Variants in ABCA2 observed in about 807,000 individuals in gnomAD.
ABCA2 encodes ATP-binding cassette sub-family A member 2.
A neutral mutation model predicts 262.8 loss-of-function variants in ABCA2; 84 were observed. The ratio of observed to expected loss-of-function variants is 0.32; its 90% confidence interval spans 0.27 to 0.38. The LOEUF is 0.38. Among genes scored for constraint, ABCA2 ranks in the 10% least tolerant of loss-of-function variants. The pLI is 1.00. For synonymous variants in ABCA2, 1,696 were observed against 1,502.9 expected, an observed-to-expected ratio of 1.13 and a Z score of -2.97; for missense variants, 2,662 against 3,405.9, an observed-to-expected ratio of 0.78 and a Z score of 5.44.
rs370141589 is a variant in ABCA2, at chr9:137,015,733, C to T, written c.3456G>A (p.Ala1152=). 16 of 1,611,900 alleles carry T rather than the reference C, an allele frequency of 9.9e-6. No homozygotes were observed. The Admixed American group carries it at 1.0e-4, about 10-fold the overall frequency. The change falls in exon 23 of 49, where the codon GCG becomes GCA. Residue 1152 remains alanine (A), a synonymous_variant. Coordinates refer to ENST00000341511, the MANE Select transcript of ABCA2 (RefSeq NM_001606.5). ...CGCGGCGCGCGTAGGGGTCCACGCC[C>T]GCCGTGGGCTCGTCCAGGATGATGG... The part of the protein sequence containing the change: ...SRAIILDEPT[A]GVDPYARRAI...
chr9:137,008,971 A>T lies in ABCA2; in HGVS notation c.6910T>A (p.Phe2304Ile). The T allele has an allele frequency of 6.3e-7, 1 of 1,578,244 alleles. No individual in the cohort carries two copies. Among genetic ancestry groups the T allele is most frequent in the Non-Finnish European group, 8.6e-7 (1 of 1,165,280 alleles). Reference sequence around the variant, plus strand: ...CGCACCTTGAGCATGGCTTCCGGGAAGTTGCGGTTGAAGAACCGCACCACG... The same window carrying T: ...CGCACCTTGAGCATGGCTTCCGGGATGTTGCGGTTGAAGAACCGCACCACG... ...KDVVRFFNRN[F>I]PEAMLKERHH... The change falls in exon 46 of 49, where the codon TTC becomes ATC. Residue 2304 changes from phenylalanine (F) to isoleucine (I), a missense_variant. Phe to Ile is a conservative substitution (Grantham distance 21). Around this residue, in one of 12 missense-constraint regions of ABCA2, gnomAD observed 212 missense variants for 214.4 expected, o/e 0.99. Transcript: ENST00000341511.
upstream of ABCA2, chr9:137,028,329 C>G (rs1459487816): frequency 3.2e-6 from 3 of 936,840 alleles, no homozygotes; most frequent in Non-Finnish European, 3.8e-6. The surrounding 1 kb of genome is among the most constrained non-coding windows in gnomAD (Gnocchi z 6.9). Flanking sequence ...GCCCCGCCCG[C>G]CCCCGCTTAA....
At chr9:137,024,932 G>A (rs1831602231) in intron 1 of ABCA2, among the ~76,000 whole-genome samples, 1 of 151,976 alleles carries the variant, frequency 6.6e-6, no homozygotes, top group South Asian at 2.1e-4. Context: ...TCGAGTAGCT[G>A]GGACTACAGG....
chr9:137,022,395 T>A lies in ABCA2; in HGVS notation c.523A>T (p.Ser175Cys). ...FLTQNLSLPN[S>C]TAQALLAARV... ...GCGGCCAAGAGTGCTTGGGCCGTGC[T>A]ATTGGGCAGCGACAAGTTTTGCGTC... The change falls in exon 6 of 49, where the codon AGC becomes TGC. Residue 175 changes from serine (S) to cysteine (C), a missense_variant. By Grantham distance (112) the Ser-to-Cys change is moderately radical (BLOSUM62 -1). Around this residue, in one of 12 missense-constraint regions of ABCA2, gnomAD observed 403 missense variants for 375.9 expected, o/e 1.07. Coordinates refer to ENST00000341511, the MANE Select transcript of ABCA2 (RefSeq NM_001606.5). 1 of 1,611,552 alleles carries A rather than the reference T, an allele frequency of 6.2e-7. No individual in the cohort carries two copies. Among genetic ancestry groups the A allele is most frequent in the Non-Finnish European group, 8.5e-7 (1 of 1,179,574 alleles).
chr9:137,015,700 C>T lies in ABCA2; in HGVS notation c.3489G>A (p.Trp1163Ter). Residue 1163 changes from tryptophan (W) to a stop codon, truncating the protein, a stop_gained, in exon 23 of 49, where the codon TGG (tryptophan) becomes TGA (stop). Coordinates refer to ENST00000341511, the MANE Select transcript of ABCA2 (RefSeq NM_001606.5). LOFTEE classifies it high-confidence loss of function. ...GVDPYARRAI[W>*]DLILKYKPGR... is the part of the protein sequence containing the mutation. ...CTGGCTTGTACTTCAGGATGAGGTC[C>T]CAGATGGCGCGGCGCGCGTAGGGGT... 1 of 1,609,926 alleles carries T rather than the reference C, an allele frequency of 6.2e-7. No homozygotes were observed. The highest frequency in any genetic ancestry group is 8.5e-7 in the Non-Finnish European group (1 of 1,178,780).
At chr9:137,015,242 G>A (rs1264957860) in intron 24 of ABCA2, 145 bp from the exon 25 acceptor site, 2 of 1,215,476 alleles carry the variant, frequency 1.6e-6, no homozygotes, top group African/African-American at 3.0e-5. Flanking sequence ...GGGTGACGCT[G>A]AGGACCCAGC....
In ABCA2 at chr9:137,010,824, A is replaced by T. The variant is rs539292253; in HGVS notation, c.6057-87T>A. 2.9e-5 allele frequency: 43 copies of T among 1,477,024 alleles called. 2 individuals are homozygous for T. In the South Asian group the frequency reaches 5.2e-4, roughly 18 times the overall value. The allele number at this position is 1,477,024 out of a possible 1,614,324, so 91.5% of individuals were successfully genotyped here. A position where few individuals can be genotyped will look rare whatever the true frequency, so the allele number is the denominator to read the frequency against. On this transcript the variant is annotated intron_variant, in intron 39 of 48. Transcript: ENST00000341511. ...CAGCCTCGCATCCTCTGGCTGTGGC[A>T]TGTAAGAAGGGTGGGCAGGCCCCTC...
chr9:137,010,469 G>A (rs1438853650), intron 40 of ABCA2, 98 bp from the exon 41 acceptor site: 41 of 1,409,628 alleles, frequency 2.9e-5, no homozygotes, highest in Non-Finnish European at 3.8e-5. Flanking sequence ...AGAGCCCAGG[G>A]GGCCACGTGC....
Position 137,014,969 on chromosome 9 carries a change from A to G in ABCA2, c.3826T>C (p.Ser1276Pro). Residue 1276 changes from serine to proline, a missense_variant, in exon 25 of 49, where the codon TCC becomes CCC. By Grantham distance (74) the Ser-to-Pro change is moderately conservative. Coordinates refer to ENST00000341511, the MANE Select transcript of ABCA2 (RefSeq NM_001606.5). ...LLVSDTSTELSYILPSEAAKK... is the reference protein window; with the variant it reads ...LLVSDTSTELPYILPSEAAKK... The stretch of plus-strand genomic sequence containing the variant: ...GCGGCCTCGCTGGGCAGGATGTAGG[A>G]GAGCTCCGTGCTTGTGTCTGAGACC... 6.3e-7 allele frequency: 1 copy of G among 1,578,466 alleles called. No individual in the cohort carries two copies. The highest frequency in any genetic ancestry group is 8.6e-7 in the Non-Finnish European group (1 of 1,161,438).
In ABCA2 at chr9:137,023,259, CAGAGGTCAA is replaced by C. The variant is rs1831541839; in HGVS notation, c.164-216_164-208del. 7.0e-5 allele frequency: 44 copies of C among 631,016 alleles called. 1 individual carries two copies. The South Asian group carries it at 7.7e-4, about 11-fold the overall frequency. 39.1% of individuals were successfully genotyped at this position (631,016 alleles called of 1,614,324 possible). A position where few individuals can be genotyped will look rare whatever the true frequency, so the allele number is the denominator to read the frequency against. On this transcript the variant is annotated intron_variant, in intron 3 of 48. Coordinates refer to ENST00000341511, the MANE Select transcript of ABCA2 (RefSeq NM_001606.5). Reference sequence around the variant, plus strand: ...TCTGGGGCGAATGACTCCAGCAGGTCAGAGGTCAAAGAGCCACTCACCACCCCTTCTGCC... The same window carrying C: ...TCTGGGGCGAATGACTCCAGCAGGTCAGAGCCACTCACCACCCCTTCTGCC...
Position 137,008,740 on chromosome 9 carries a change from TG to T in ABCA2, c.7058del (p.Thr2353AsnfsTer7). 6.3e-7 allele frequency: 1 copy of T among 1,581,962 alleles called. No homozygotes were observed. Among genetic ancestry groups the T allele is most frequent in the Non-Finnish European group, 8.6e-7 (1 of 1,165,210 alleles). ...CCCTTGGGGCGCTCACATTGTCCAG[TG>T]TGGTCTGGCTGACCGAGTAGTCCTC... ...GIEDYSVSQT[T>X]LDNVFVNFAK... On this transcript the variant is annotated frameshift_variant, in exon 47 of 49. Transcript: ENST00000341511. LOFTEE classifies it high-confidence loss of function.
Position 137,023,178 on chromosome 9 carries a change from C to T in ABCA2, c.164-126G>A, listed in dbSNP as rs1390605069. 1.6e-5 allele frequency: 13 copies of T among 790,020 alleles called. No individual in the cohort carries two copies. The Admixed American group carries it at 1.8e-4, about 11-fold the overall frequency. 48.9% of individuals were successfully genotyped at this position (790,020 alleles called of 1,614,324 possible). ...AGAGAAAGTCAGGAAGGAGAAGCAGCGTTAGGGAGAAGGCGGCACAGAGCC... is the reference window on the plus strand; with the variant it reads ...AGAGAAAGTCAGGAAGGAGAAGCAGTGTTAGGGAGAAGGCGGCACAGAGCC... On this transcript the variant is annotated intron_variant, in intron 3 of 48. Transcript: ENST00000341511.
At chr9:137,010,480 C>T (rs1830996075) in intron 40 of ABCA2, 109 bp from the exon 41 acceptor site, 3 of 1,443,188 alleles carry the variant, frequency 2.1e-6, no homozygotes, top group African/African-American at 2.9e-5. Flanking sequence ...GGCCACGTGC[C>T]CCACAGCCCC....
intron 1 of ABCA2, among the ~76,000 whole-genome samples, chr9:137,025,740 AC>A (rs1466470238): frequency 6.6e-6 from 1 of 152,086 alleles, no homozygotes; most frequent in African/African-American, 2.4e-5. Flanking sequence ...CCCCGCCCAC[AC>A]CCGGCCTGCT....
At chr9:137,013,709 G>A (rs912454933) in intron 28 of ABCA2, 123 bp downstream of exon 28, 19 of 1,352,190 alleles carry the variant, frequency 1.4e-5, no homozygotes, top group Admixed American at 4.1e-5. Context: ...ACCCCGGTGC[G>A]TGCCCAGCCT....
Position 137,012,085 on chromosome 9 carries a change from C to T in ABCA2, c.5360+17G>A, listed in dbSNP as rs1156992703. The T allele has an allele frequency of 6.2e-7, 1 of 1,612,652 alleles. No homozygotes were observed. Among genetic ancestry groups the T allele is most frequent in the Admixed American group, 1.7e-5 (1 of 60,020 alleles). The stretch of plus-strand genomic sequence containing the variant: ...GTGCCCACCTGCCCCACCTCATCCC[C>T]CACTGGCCACACTTACAGGTAATCC... On this transcript the variant is annotated intron_variant, in intron 34 of 48. Transcript: ENST00000341511.
chr9:137,024,576 G>C (rs559764957), intron 1 of ABCA2, among the ~76,000 whole-genome samples: 5 of 152,278 alleles, frequency 3.3e-5, no homozygotes, highest in Non-Finnish European at 5.9e-5. Context: ...CCACCTCCAG[G>C]GCTACCTGGG....
chr9:137,022,077 A>C lies in ABCA2; in HGVS notation c.568-76T>G, dbSNP rs113863526. On this transcript the variant is annotated intron_variant, in intron 6 of 48. Coordinates refer to ENST00000341511, the MANE Select transcript of ABCA2 (RefSeq NM_001606.5). The stretch of plus-strand genomic sequence containing the variant: ...GATGGTGGGGGCGTGGCTCCGATGG[A>C]CGTGTGGGGGCGTGGCTTAGATGGT... The C allele has an allele frequency of 8.9e-3, 2,883 of 324,526 alleles. 50 individuals carry two copies. Among genetic ancestry groups the C allele is most frequent in the African/African-American group, 0.073 (1,382 of 18,890 alleles). 20.1% of individuals were successfully genotyped at this position (324,526 alleles called of 1,614,324 possible).
chr9:137,019,359 T>A lies in ABCA2; in HGVS notation c.1426-53A>T. The A allele has an allele frequency of 2.5e-6, 4 of 1,594,074 alleles. No homozygotes were observed. In the South Asian group the frequency reaches 4.5e-5, roughly 18 times the overall value. Reference sequence around the variant, plus strand: ...GTTTCTGGACGGACCCCCACCGACTTGGGGGCTCTCACCCCACTCACCTCC... The same window carrying A: ...GTTTCTGGACGGACCCCCACCGACTAGGGGGCTCTCACCCCACTCACCTCC... On this transcript the variant is annotated intron_variant, in intron 10 of 48. Coordinates refer to ENST00000341511, the MANE Select transcript of ABCA2 (RefSeq NM_001606.5). This position sits in a 1 kb window ranked among gnomAD's most constrained non-coding sequence, Gnocchi z 4.4.
Sources: allele counts gnomAD v4.1 joint callset (sites outside exome capture counted in the v4.1 genomes callset), GRCh38; gene constraint gnomAD v4.1.1; regional missense constraint gnomAD v4.1.1; non-coding constraint Gnocchi (gnomAD v3.1); transcripts MANE v1.5; gene names NCBI Gene and HGNC (gene_info 2026-07-23, HGNC 2026-07-21).